The following SEC14L1 variants were observed in gnomAD, a reference collection of about 807,000 sequenced individuals.
The protein encoded by SEC14L1 is SEC14-like protein 1.
SEC14L1 carries 48 observed loss-of-function variants against 85.3 expected under a neutral mutation model. The ratio of observed to expected loss-of-function variants is 0.56; its 90% CI spans 0.45 to 0.72. The LOEUF (loss-of-function observed/expected upper bound fraction) is 0.72, where lower values mean the gene tolerates loss of function less well. Ranked by LOEUF, SEC14L1 falls within the 30% of genes least tolerant of loss-of-function variation. The pLI is 0.00. For synonymous variants in SEC14L1, 391 were observed against 355.5 expected, an observed-to-expected ratio of 1.10 and a Z score of -1.12; for missense variants, 682 against 921.4, an observed-to-expected ratio of 0.74 and a Z score of 3.36.
At chr17:77,165,983 T>C (rs183874155) in intron 3 of SEC14L1, among the ~76,000 whole-genome samples, 1 of 152,380 alleles carries the variant, frequency 6.6e-6, no homozygotes, top group Admixed American at 6.5e-5. Flanking sequence ...CCTCATCTTG[T>C]GCATAGCTCA....
In SEC14L1 at chr17:77,213,730, C is replaced by G; in HGVS notation, c.2043-188C>G. The G allele has an allele frequency of 1.1e-6, 1 of 873,982 alleles. No homozygotes were observed. Among genetic ancestry groups the G allele is most frequent in the South Asian group, 1.4e-5 (1 of 70,814 alleles). The allele number at this position is 873,982 out of a possible 1,614,324, so 54.1% of individuals were successfully genotyped here. A position where few individuals can be genotyped will look rare whatever the true frequency, so the allele number is the denominator to read the frequency against. ...CCTTTGCTTTAGCTCACACTGCCGT[C>G]TGCGTGCAGGCTGTGGGAAGCCGGT... On this transcript the variant is annotated intron_variant, in intron 16 of 16. Transcript: ENST00000436233. The surrounding 1 kb of genome is among the most constrained non-coding windows in gnomAD (Gnocchi z 7.1).
chr17:77,162,753 C>T (rs1216890139), intron 3 of SEC14L1, among the ~76,000 whole-genome samples: 3 of 150,990 alleles, frequency 2.0e-5, no homozygotes, highest in Non-Finnish European at 2.9e-5. Context: ...TCGCTTGAAC[C>T]GGGGAGGTGG....
chr17:77,139,478 G>A (rs1015459834), upstream of SEC14L1, among the ~76,000 whole-genome samples: 3 of 146,818 alleles, frequency 2.0e-5, no homozygotes, highest in Non-Finnish European at 4.5e-5. Context: ...GCGTTAAAGC[G>A]TCTTTTGAAG....
In SEC14L1 at chr17:77,206,523, A is replaced by T; in HGVS notation, c.1341+123A>T. ...TAGGAAAAAAAACAATAACATGCAA[A>T]GATATAAAATTTCTCAAATTGTTTA... On this transcript the variant is annotated intron_variant, in intron 12 of 16. Coordinates refer to ENST00000436233, the MANE Select transcript of SEC14L1 (RefSeq NM_001143998.2). This position sits in a 1 kb window ranked among gnomAD's most constrained non-coding sequence, Gnocchi z 4.3. The T allele has an allele frequency of 7.6e-7, 1 of 1,314,654 alleles. No individual in the cohort carries two copies. 81.4% of individuals were successfully genotyped at this position (1,314,654 alleles called of 1,614,324 possible). A position where few individuals can be genotyped will look rare whatever the true frequency, so the allele number is the denominator to read the frequency against.
rs540370243 is a variant in SEC14L1, at chr17:77,146,699, A to AAAAC, written c.63+3054_63+3057dup. ...GGAAATTTTCTTTTGAATTGTTAGA[A>AAAAC]AAACAAACAAACAAACACACAGACG... On this transcript the variant is annotated intron_variant, in intron 3 of 16. Coordinates refer to ENST00000436233, the MANE Select transcript of SEC14L1 (RefSeq NM_001143998.2). Among the ~76,000 whole-genome samples, 320 of 152,072 alleles carry AAAAC rather than the reference A, an allele frequency of 2.1e-3. 1 individual carries two copies. The highest frequency in any genetic ancestry group is 1.8e-3 in the Non-Finnish European group (124 of 67,996).
intron 3 of SEC14L1, among the ~76,000 whole-genome samples, chr17:77,182,259 G>A (rs1386312433): frequency 1.1e-4 from 17 of 152,156 alleles, no homozygotes; most frequent in Admixed American, 1.0e-3. Flanking sequence ...TTGAAATGTC[G>A]TCACAAAAAT....
chr17:77,185,329 G>A (rs901263951), intron 3 of SEC14L1: 24 of 985,304 alleles, frequency 2.4e-5, no homozygotes, highest in Admixed American at 6.1e-5. Context: ...CAGCTTCTGA[G>A]TTAGCTGCTC....
At chr17:77,144,665 T>G (rs776431718) in intron 3 of SEC14L1, 1 of 152,268 alleles carries the variant, frequency 6.6e-6, no homozygotes, top group Non-Finnish European at 1.5e-5. Flanking sequence ...CAGGCTGGAT[T>G]GTAGTGGCGC....
At chr17:77,203,434 A>C in intron 9 of SEC14L1, 136 bp from the exon 10 acceptor site, 1 of 700,250 alleles carries the variant, frequency 1.4e-6, no homozygotes, top group East Asian at 2.9e-5. Context: ...ATCAGTTGCC[A>C]CTTCTAAGAA....
At chr17:77,143,883 A>G (rs1206579220) in intron 3 of SEC14L1, 9 of 400,076 alleles carry the variant, frequency 2.2e-5, no homozygotes, top group South Asian at 8.3e-5. Context: ...AGGGTAATGT[A>G]TGAATTGAAG....
At chr17:77,172,132 G>A (rs1031630966) in intron 3 of SEC14L1, among the ~76,000 whole-genome samples, 1 of 152,086 alleles carries the variant, frequency 6.6e-6, no homozygotes, top group South Asian at 2.1e-4. Context: ...AGTTACACCA[G>A]GGGGAAGATA....
chr17:77,089,507 A>G (rs895295937), intron 2 of SEC14L1: 4 of 512,362 alleles, frequency 7.8e-6, no homozygotes, highest in African/African-American at 5.8e-5. Flanking sequence ...ACGTTTAAAG[A>G]AAATGGTTGT....
At chr17:77,177,691 C>T (rs891917081) in intron 3 of SEC14L1, among the ~76,000 whole-genome samples, 2 of 152,106 alleles carry the variant, frequency 1.3e-5, no homozygotes, top group African/African-American at 4.8e-5. Context: ...AGTAGTCTTG[C>T]TTTAGCCAAA....
intron 3 of SEC14L1, among the ~76,000 whole-genome samples, chr17:77,126,421 C>T (rs1972449197): frequency 6.6e-6 from 1 of 152,214 alleles, no homozygotes; most frequent in Non-Finnish European, 1.5e-5. Context: ...TGAATTTAGG[C>T]ATCACATGGG....
At position 77,206,005 on chromosome 17, in the gene SEC14L1, C is replaced by A. The variant is rs1443807738; in HGVS notation, c.1170-224C>A. Reference sequence around the variant, plus strand: ...GAGCTTTTCGTGCATTATCAGTCAGCCTTAATTGCAGTTTCAGGCCTTGGT... The same window carrying A: ...GAGCTTTTCGTGCATTATCAGTCAGACTTAATTGCAGTTTCAGGCCTTGGT... On this transcript the variant is annotated intron_variant, in intron 11 of 16. Transcript: ENST00000436233. This position sits in a 1 kb window ranked among gnomAD's most constrained non-coding sequence, Gnocchi z 4.3. Among the ~76,000 whole-genome samples the A allele has an allele frequency of 6.6e-6, 1 of 152,072 alleles. No individual in the cohort carries two copies. Among genetic ancestry groups the A allele is most frequent in the Non-Finnish European group, 1.5e-5 (1 of 68,028 alleles).
At chr17:77,209,560 A>G in intron 14 of SEC14L1, 84 bp downstream of exon 14, 1 of 1,452,352 alleles carries the variant, frequency 6.9e-7, no homozygotes, top group Non-Finnish European at 9.3e-7. Flanking sequence ...GCAGCCTTTC[A>G]TTCAGAACAG....
chr17:77,166,242 C>T (rs1466092943), intron 3 of SEC14L1, among the ~76,000 whole-genome samples: 2 of 152,170 alleles, frequency 1.3e-5, no homozygotes, highest in Non-Finnish European at 2.9e-5. Flanking sequence ...TGCTTGGCCC[C>T]CTACTTATTC....
chr17:77,160,314 G>A (rs563193548), intron 3 of SEC14L1, among the ~76,000 whole-genome samples: 2 of 152,312 alleles, frequency 1.3e-5, no homozygotes, highest in African/African-American at 4.8e-5. Flanking sequence ...AAGTAAAACC[G>A]TACTCTGCCA....
At chr17:77,108,261 C>T (rs985433871) in intron 3 of SEC14L1, among the ~76,000 whole-genome samples, 5 of 152,138 alleles carry the variant, frequency 3.3e-5, no homozygotes, top group East Asian at 1.9e-4. Flanking sequence ...TCCAGAGTCC[C>T]GAGTTTCTGC....
Sources: gnomAD v4.1 joint callset for allele counts (sites outside exome capture counted in the v4.1 genomes callset) on GRCh38, gnomAD v4.1.1 for gene constraint, Gnocchi (gnomAD v3.1) non-coding constraint, MANE v1.5 for transcripts, NCBI Gene and HGNC (gene_info 2026-07-23, HGNC 2026-07-21) for gene names.